The following EYA2 variants were observed in gnomAD, a reference collection of about 807,000 sequenced individuals.
The protein encoded by EYA2 is protein phosphatase EYA2.
EYA2 carries 31 observed loss-of-function variants against 69.2 expected under a neutral mutation model. The ratio of observed to expected loss-of-function variants is 0.45; its 90% CI spans 0.34 to 0.60. EYA2 has a LOEUF of 0.60. Among genes scored for constraint, EYA2 ranks in the 20% least tolerant of loss-of-function variants. The pLI is 0.02. For missense variants in EYA2, 622 were observed against 701.2 expected (o/e 0.89, Z 1.28); for synonymous variants, 257 against 279.4 (o/e 0.92, Z 0.80).
At chr20:47,068,304 A>G (rs1249976589) in intron 5 of EYA2, among the ~76,000 whole-genome samples, 1 of 152,256 alleles carries the variant, frequency 6.6e-6, no homozygotes, top group African/African-American at 2.4e-5. Context: ...TGGCCTCAGT[A>G]TCTTTGTGTA....
chr20:46,940,356 A>G (rs1986101655), intron 1 of EYA2, among the ~76,000 whole-genome samples: 1 of 152,192 alleles, frequency 6.6e-6, no homozygotes, highest in African/African-American at 2.4e-5. Flanking sequence ...TTTGCAGACA[A>G]GGACACAGAA....
intron 7 of EYA2, among the ~76,000 whole-genome samples, chr20:47,083,535 GC>G (rs2031791829): frequency 1.4e-5 from 2 of 141,640 alleles, no homozygotes; most frequent in Admixed American, 1.5e-4. Flanking sequence ...CCAAGATCAT[GC>G]CACCACACTG....
chr20:46,934,209 G>A (rs1222438564), intron 1 of EYA2, among the ~76,000 whole-genome samples: 1 of 152,158 alleles, frequency 6.6e-6, no homozygotes, highest in Non-Finnish European at 1.5e-5. Context: ...GACTTAATTG[G>A]CTCATGAAAC....
chr20:46,955,251 C>T (rs1979051242), intron 1 of EYA2, among the ~76,000 whole-genome samples: 1 of 152,118 alleles, frequency 6.6e-6, no homozygotes, highest in African/African-American at 2.4e-5. Flanking sequence ...ATTCCCCTGC[C>T]TCAGCCTGTA....
chr20:47,000,664 C>A (rs1391080635), intron 2 of EYA2, among the ~76,000 whole-genome samples: 3 of 152,124 alleles, frequency 2.0e-5, no homozygotes. Flanking sequence ...TCTCTCCCAG[C>A]TTAACTCTGT....
intron 1 of EYA2, among the ~76,000 whole-genome samples, chr20:46,932,935 C>T (rs1008978977): frequency 6.6e-6 from 1 of 152,102 alleles, no homozygotes; most frequent in Non-Finnish European, 1.5e-5. Flanking sequence ...CCACGACCAC[C>T]CCCTCTCTGT....
chr20:46,952,438 G>A (rs763811536), intron 1 of EYA2, among the ~76,000 whole-genome samples: 5 of 152,120 alleles, frequency 3.3e-5, no homozygotes, highest in East Asian at 1.9e-4. Context: ...TTTAGAAATC[G>A]GTGTGATGAA....
intron 5 of EYA2, among the ~76,000 whole-genome samples, chr20:47,043,027 C>T (rs1331574783): frequency 6.6e-6 from 1 of 151,962 alleles, no homozygotes; most frequent in African/African-American, 2.4e-5. Flanking sequence ...ACCCATTAGG[C>T]GACTGTAAAT....
chr20:47,072,224 A>T lies in EYA2; in HGVS notation c.455A>T (p.Asn152Ile), dbSNP rs1190742797. The change falls in exon 6 of 16, where the codon AAC becomes ATC. Residue 152 changes from asparagine (N) to isoleucine (I), a missense_variant. Physicochemically the swap from Asn to Ile is moderately radical, Grantham distance 149. Transcript: ENST00000327619. Reference sequence around the variant, plus strand: ...TATCAAGGAGGAAATGGACTGGGCAACGCAGCCGGTTTCGGGAGTGTGCAC... The same window carrying T: ...TATCAAGGAGGAAATGGACTGGGCATCGCAGCCGGTTTCGGGAGTGTGCAC... ...GFYQGGNGLG[N>I]AAGFGSVHQD... 1 of 1,612,972 alleles carries T rather than the reference A, an allele frequency of 6.2e-7. No homozygotes were observed. Among genetic ancestry groups the T allele is most frequent in the South Asian group, 1.1e-5 (1 of 90,728 alleles).
chr20:47,000,711 A>G (rs6066153), intron 2 of EYA2, among the ~76,000 whole-genome samples: 81,708 of 151,848 alleles, frequency 0.54, 23,703 homozygotes, highest in Non-Finnish European at 0.68. Flanking sequence ...GCCTCCCATC[A>G]ATGATTGGAC....
intron 1 of EYA2, among the ~76,000 whole-genome samples, chr20:46,918,467 C>A (rs143455112): frequency 0.012 from 1,844 of 152,170 alleles, 23 homozygotes; most frequent in Non-Finnish European, 0.019. Flanking sequence ...TGTCACCACG[C>A]CCGGCTATTT....
chr20:46,894,902 C>G lies in EYA2; in HGVS notation c.-96C>G, dbSNP rs1328325780. 1 of 151,342 alleles carries G rather than the reference C, an allele frequency of 6.6e-6. No individual in the cohort carries two copies. The highest frequency in any genetic ancestry group is 1.5e-5 in the Non-Finnish European group (1 of 67,804). The allele number at this position is 151,342 out of a possible 1,614,324, so 9.4% of individuals were successfully genotyped here. ...GCAACGGCAGAGACAGCAACGTGCC[C>G]GCCGCAGTCAGCCCGGCCTCGTCGG... On this transcript the variant is annotated 5_prime_UTR_variant, in exon 1 of 16. Transcript: ENST00000327619.
At chr20:46,895,545 C>T (rs1983763151) in intron 1 of EYA2, among the ~76,000 whole-genome samples, 1 of 152,190 alleles carries the variant, frequency 6.6e-6, no homozygotes, top group Admixed American at 6.5e-5. Flanking sequence ...TGGTTCAGGT[C>T]TGGGGCTTTG....
chr20:47,162,469 G>A (rs976558086), intron 10 of EYA2, among the ~76,000 whole-genome samples: 1 of 147,754 alleles, frequency 6.8e-6, no homozygotes, highest in Non-Finnish European at 1.5e-5. Flanking sequence ...ATCTCACTGA[G>A]ATATTTGTAA....
intron 1 of EYA2, among the ~76,000 whole-genome samples, chr20:46,915,001 T>C (rs1984833114): frequency 6.6e-6 from 1 of 152,184 alleles, no homozygotes; most frequent in African/African-American, 2.4e-5. Context: ...CAGTTTGGCC[T>C]TTTCTTTTCT....
chr20:46,946,955 C>A (rs1978495921), intron 1 of EYA2, among the ~76,000 whole-genome samples: 2 of 152,208 alleles, frequency 1.3e-5, no homozygotes, highest in South Asian at 4.1e-4. Flanking sequence ...TGGCCAGTTG[C>A]CTGTTTTGTA....
intron 5 of EYA2, among the ~76,000 whole-genome samples, chr20:47,018,834 A>AT (rs1320434619): frequency 1.3e-5 from 2 of 152,244 alleles, no homozygotes; most frequent in Non-Finnish European, 2.9e-5. Context: ...CGCAGAGCCA[A>AT]TAAGTGTTCA....
At chr20:47,143,278 A>C (rs953658149) in intron 10 of EYA2, 130 bp downstream of exon 10, 13 of 870,444 alleles carry the variant, frequency 1.5e-5, no homozygotes, top group Non-Finnish European at 2.2e-5. Flanking sequence ...TAGAAGCTTG[A>C]AACTTTTGCT....
chr20:47,135,862 T>G (rs1399873269), intron 9 of EYA2, among the ~76,000 whole-genome samples: 1 of 95,744 alleles, frequency 1.0e-5, no homozygotes, highest in Non-Finnish European at 2.4e-5. Context: ...AACAAAAAAC[T>G]AATTAATTAA....
Sources: allele counts gnomAD v4.1 joint callset (sites outside exome capture counted in the v4.1 genomes callset), GRCh38; gene constraint gnomAD v4.1.1; transcripts MANE v1.5; gene names NCBI Gene and HGNC (gene_info 2026-07-23, HGNC 2026-07-21).